Variants in LRRC4C observed in about 807,000 individuals in gnomAD.
The protein encoded by LRRC4C is leucine rich repeat containing 4C, also known as leucine-rich repeat-containing protein 4C.
LRRC4C carries 5 observed loss-of-function variants against 33.6 expected under a neutral mutation model. That is an observed-to-expected ratio of 0.15 (90% CI 0.08 to 0.31). The LOEUF is 0.31. Ranked by LOEUF, LRRC4C falls within the 10% of genes least tolerant of loss-of-function variation. LRRC4C has a pLI of 1.00. For missense variants in LRRC4C, 560 were observed against 796.7 expected (o/e 0.70, Z 3.58); for synonymous variants, 329 against 302.0 (o/e 1.09, Z -0.93).
chr11:40,820,317 G>T (rs1951879523), intron 2 of LRRC4C, among the ~76,000 whole-genome samples: 1 of 151,878 alleles, frequency 6.6e-6, no homozygotes, highest in South Asian at 2.1e-4. Flanking sequence ...TGTCATAAAA[G>T]TAATTATACA....
At chr11:40,200,350 C>G (rs893257696) in intron 5 of LRRC4C, among the ~76,000 whole-genome samples, 5 of 151,690 alleles carry the variant, frequency 3.3e-5, no homozygotes, top group Non-Finnish European at 5.9e-5. Flanking sequence ...GGCGACAGAG[C>G]GAGACTCCAT....
At chr11:41,300,867 T>A (rs1280810670) in intron 1 of LRRC4C, among the ~76,000 whole-genome samples, 1 of 152,142 alleles carries the variant, frequency 6.6e-6, no homozygotes, top group Non-Finnish European at 1.5e-5. Flanking sequence ...ACTTGTTACA[T>A]CTTTAGCAAA....
intron 1 of LRRC4C, among the ~76,000 whole-genome samples, chr11:41,316,047 C>T (rs1950776445): frequency 6.6e-6 from 1 of 152,038 alleles, no homozygotes; most frequent in African/African-American, 2.4e-5. Context: ...ATATATACTT[C>T]AGAGCCTAGG....
intron 3 of LRRC4C, among the ~76,000 whole-genome samples, chr11:40,404,604 T>G (rs944749556): frequency 3.3e-5 from 5 of 152,078 alleles, no homozygotes; most frequent in South Asian, 2.1e-4. Flanking sequence ...ATGCCCACTT[T>G]TTCTTTTTTG....
intron 3 of LRRC4C, among the ~76,000 whole-genome samples, chr11:40,503,835 A>G (rs1259781328): frequency 2.6e-5 from 4 of 152,124 alleles, no homozygotes; most frequent in Admixed American, 2.6e-4. Flanking sequence ...TGGATATACA[A>G]ATGTTGGCTT....
At chr11:40,382,234 G>T (rs1165028747) in intron 3 of LRRC4C, among the ~76,000 whole-genome samples, 1 of 149,386 alleles carries the variant, frequency 6.7e-6, no homozygotes, top group Non-Finnish European at 1.5e-5. Context: ...CACCCGCCTG[G>T]GCCTCCCAAA....
In LRRC4C at chr11:41,087,070, A is replaced by C. The variant is rs190759749; in HGVS notation, c.-495-153347T>G. Reference sequence around the variant, plus strand: ...CTGGAATTGTAAACATGAACATGGAATAAATTGCACCACCATCTCATTACT... The same window carrying C: ...CTGGAATTGTAAACATGAACATGGACTAAATTGCACCACCATCTCATTACT... On this transcript the variant is annotated intron_variant, in intron 1 of 6. Transcript: ENST00000528697. Among the ~76,000 whole-genome samples, 399 of 152,284 alleles carry C rather than the reference A, an allele frequency of 2.6e-3. 3 individuals carry two copies. The highest frequency in any genetic ancestry group is 4.8e-3 in the Non-Finnish European group (325 of 68,008).
intron 2 of LRRC4C, among the ~76,000 whole-genome samples, chr11:40,652,274 A>G (rs1459624254): frequency 6.6e-6 from 1 of 152,222 alleles, no homozygotes; most frequent in Non-Finnish European, 1.5e-5. Context: ...AAAACATTTA[A>G]TGAATACTTA....
chr11:41,131,082 G>A (rs1270890526), intron 1 of LRRC4C, among the ~76,000 whole-genome samples: 1 of 151,940 alleles, frequency 6.6e-6, no homozygotes, highest in Non-Finnish European at 1.5e-5. Context: ...AATTTGTAGA[G>A]GCAGAAATGC....
At chr11:40,599,054 A>C (rs553360120) in intron 3 of LRRC4C, among the ~76,000 whole-genome samples, 1 of 151,742 alleles carries the variant, frequency 6.6e-6, no homozygotes, top group Non-Finnish European at 1.5e-5. Flanking sequence ...TGTTTTTTGA[A>C]AGTTCAAGGC....
At chr11:40,389,680 T>A (rs1949262884) in intron 3 of LRRC4C, among the ~76,000 whole-genome samples, 1 of 152,130 alleles carries the variant, frequency 6.6e-6, no homozygotes, top group Non-Finnish European at 1.5e-5. Context: ...CTCCCCTAAA[T>A]ATTGACTTCC....
chr11:41,347,210 A>T (rs940848310), intron 1 of LRRC4C, among the ~76,000 whole-genome samples: 3 of 152,224 alleles, frequency 2.0e-5, no homozygotes, highest in African/African-American at 7.2e-5. Context: ...CTTGAGTTAT[A>T]GCACAGGAGG....
chr11:40,696,076 T>C (rs1173199344), intron 2 of LRRC4C, among the ~76,000 whole-genome samples: 1 of 85,404 alleles, frequency 1.2e-5, no homozygotes, highest in Non-Finnish European at 2.8e-5. Flanking sequence ...TGAGTGTGTA[T>C]ATATATATAT....
intron 3 of LRRC4C, among the ~76,000 whole-genome samples, chr11:40,591,999 G>T (rs1385889880): frequency 2.0e-5 from 3 of 152,084 alleles, no homozygotes; most frequent in Non-Finnish European, 4.4e-5. Flanking sequence ...AACCACTTCT[G>T]GTTTGGAGCT....
intron 4 of LRRC4C, chr11:40,293,599 C>G (rs537836723): frequency 1.7e-4 from 26 of 149,904 alleles, no homozygotes; most frequent in South Asian, 1.3e-3. Context: ...AAAAAACACA[C>G]ACGAAAAAAG....
intron 2 of LRRC4C, among the ~76,000 whole-genome samples, chr11:40,819,335 A>T (rs1169150982): frequency 1.3e-5 from 2 of 152,180 alleles, no homozygotes; most frequent in Admixed American, 1.3e-4. Flanking sequence ...AGGCATTTAC[A>T]GATGAAAAAC....
chr11:40,267,417 G>A (rs929202786), intron 4 of LRRC4C, among the ~76,000 whole-genome samples: 4 of 152,076 alleles, frequency 2.6e-5, no homozygotes, highest in African/African-American at 9.7e-5. Flanking sequence ...AGTGGCACAA[G>A]CTCCACTCAC....
intron 1 of LRRC4C, among the ~76,000 whole-genome samples, chr11:41,398,780 C>T (rs1178474087): frequency 1.3e-5 from 2 of 151,776 alleles, no homozygotes; most frequent in African/African-American, 2.4e-5. Context: ...CTAATTCTAC[C>T]ATGGTAAAGC....
At chr11:40,543,292 G>A (rs180728468) in intron 3 of LRRC4C, among the ~76,000 whole-genome samples, 3 of 152,096 alleles carry the variant, frequency 2.0e-5, no homozygotes, top group African/African-American at 7.2e-5. Context: ...AAAATACTCT[G>A]AAGGCTAGCA....
Sources: allele counts gnomAD v4.1 joint callset (sites outside exome capture counted in the v4.1 genomes callset), GRCh38; gene constraint gnomAD v4.1.1; transcripts MANE v1.5; gene names NCBI Gene and HGNC (gene_info 2026-07-23, HGNC 2026-07-21).